The following PTPRD variants were observed in gnomAD, a reference collection of about 807,000 sequenced individuals.
PTPRD encodes protein tyrosine phosphatase receptor type D.
A neutral mutation model predicts 214.5 loss-of-function variants in PTPRD; 34 were observed. The ratio of observed to expected loss-of-function variants is 0.16; its 90% CI spans 0.12 to 0.21. PTPRD has a LOEUF of 0.21. PTPRD is among the 10% of genes least tolerant of loss of function. PTPRD has a pLI of 1.00. For missense variants in PTPRD, 2,545 were observed against 2,398.7 expected (o/e 1.06, Z -1.27); for synonymous variants, 1,128 against 845.7 (o/e 1.33, Z -5.79).
intron 10 of PTPRD, among the ~76,000 whole-genome samples, chr9:9,136,191 A>C (rs1347935525): frequency 6.6e-6 from 1 of 152,146 alleles, no homozygotes; most frequent in African/African-American, 2.4e-5. Context: ...TTATGTTCAC[A>C]TTAAGGAGAA....
At chr9:8,659,125 G>T (rs761030238) in intron 12 of PTPRD, among the ~76,000 whole-genome samples, 2 of 152,102 alleles carry the variant, frequency 1.3e-5, no homozygotes, top group Non-Finnish European at 2.9e-5. Flanking sequence ...TTCCTTTGAA[G>T]CAGAACATTT....
chr9:8,919,917 G>A (rs935221485), intron 11 of PTPRD, among the ~76,000 whole-genome samples: 1 of 122,884 alleles, frequency 8.1e-6, no homozygotes, highest in Non-Finnish European at 1.9e-5. Context: ...TGCATAAGTG[G>A]ATGCATGTGC....
intron 30 of PTPRD, among the ~76,000 whole-genome samples, chr9:8,482,250 A>G (rs2096902793): frequency 6.6e-6 from 1 of 150,698 alleles, no homozygotes; most frequent in South Asian, 2.1e-4. Flanking sequence ...GCCATATTTT[A>G]CTCTCTTGAT....
chr9:9,837,057 G>A (rs1015044213), intron 5 of PTPRD, among the ~76,000 whole-genome samples: 2 of 147,176 alleles, frequency 1.4e-5, no homozygotes, highest in South Asian at 2.1e-4. Context: ...GAGGTCTATA[G>A]TAGCTCTACA....
chr9:10,244,719 C>T (rs76897940), intron 3 of PTPRD, among the ~76,000 whole-genome samples: 4,497 of 152,114 alleles, frequency 0.03, 213 homozygotes, highest in African/African-American at 0.1. Flanking sequence ...GCTAAAGGAA[C>T]TGAAGTTCAA....
At chr9:10,148,183 G>A (rs906125657) in intron 3 of PTPRD, among the ~76,000 whole-genome samples, 4 of 152,190 alleles carry the variant, frequency 2.6e-5, no homozygotes, top group Admixed American at 6.6e-5. Context: ...AGTTGCTGGT[G>A]TTCTTGCTTC....
intron 3 of PTPRD, among the ~76,000 whole-genome samples, chr9:10,046,272 C>T (rs1044593436): frequency 6.6e-6 from 1 of 151,784 alleles, no homozygotes; most frequent in African/African-American, 2.4e-5. Flanking sequence ...GTTATCCATA[C>T]AATTTTTAAG....
At chr9:9,146,194 AT>A (rs1347203243) in intron 10 of PTPRD, among the ~76,000 whole-genome samples, 2 of 152,160 alleles carry the variant, frequency 1.3e-5, no homozygotes, top group Non-Finnish European at 2.9e-5. Flanking sequence ...TATGATTTAG[AT>A]TGTTTATTCG....
intron 10 of PTPRD, among the ~76,000 whole-genome samples, chr9:9,102,633 G>A (rs377108334): frequency 5.9e-5 from 9 of 152,168 alleles, no homozygotes; most frequent in African/African-American, 2.2e-4. Context: ...AGATAATTTA[G>A]CCCATGTGGA....
intron 14 of PTPRD, among the ~76,000 whole-genome samples, chr9:8,587,212 C>T (rs549492089): frequency 1.3e-5 from 2 of 152,290 alleles, no homozygotes; most frequent in South Asian, 2.1e-4. Flanking sequence ...ACCAGGGTTA[C>T]ACTTTTTATT....
At chr9:9,354,156 C>A (rs2052666928) in intron 9 of PTPRD, among the ~76,000 whole-genome samples, 1 of 151,776 alleles carries the variant, frequency 6.6e-6, no homozygotes, top group African/African-American at 2.4e-5. Flanking sequence ...TATTTATAGG[C>A]CAGTTTTACC....
At chr9:9,584,248 TC>T (rs2091467650) in intron 7 of PTPRD, among the ~76,000 whole-genome samples, 1 of 151,200 alleles carries the variant, frequency 6.6e-6, no homozygotes, top group Non-Finnish European at 1.5e-5. Context: ...CCCCTTAATC[TC>T]CCCTCACTCA....
chr9:9,312,637 G>A (rs1959552806), intron 9 of PTPRD, among the ~76,000 whole-genome samples: 1 of 152,082 alleles, frequency 6.6e-6, no homozygotes, highest in Non-Finnish European at 1.5e-5. Context: ...ACCCTGTGAT[G>A]GGATGTCATT....
rs577206434 is a variant in PTPRD at position 10,367,399 on chromosome 9, C to T, written c.-599-26382G>A. Among the ~76,000 whole-genome samples the T allele has an allele frequency of 6.5e-4, 99 of 152,122 alleles. 1 individual carries two copies. The highest frequency in any genetic ancestry group is 1.2e-3 in the Non-Finnish European group (85 of 68,012). ...ATAAAAGGAAGAGTTCTGCCCACTTCCTTGCCTACCTCTTTACCTACTGTG... is the reference window on the plus strand; with the variant it reads ...ATAAAAGGAAGAGTTCTGCCCACTTTCTTGCCTACCTCTTTACCTACTGTG... On this transcript the variant is annotated intron_variant, in intron 2 of 45. Coordinates refer to ENST00000381196, the MANE Select transcript of PTPRD (RefSeq NM_002839.4).
At chr9:10,228,697 G>A (rs1355298081) in intron 3 of PTPRD, among the ~76,000 whole-genome samples, 1 of 149,480 alleles carries the variant, frequency 6.7e-6, no homozygotes, top group Non-Finnish European at 1.5e-5. Flanking sequence ...AGTAAATAAA[G>A]CTATTGATAG....
intron 2 of PTPRD, among the ~76,000 whole-genome samples, chr9:10,487,869 A>C (rs1589277352): frequency 1.3e-5 from 2 of 151,742 alleles, no homozygotes; most frequent in Admixed American, 6.6e-5. Context: ...TTGTAGAGGT[A>C]CTACCTCTAT....
At chr9:8,945,784 C>G (rs2099060531) in intron 11 of PTPRD, among the ~76,000 whole-genome samples, 1 of 152,128 alleles carries the variant, frequency 6.6e-6, no homozygotes, top group African/African-American at 2.4e-5. Context: ...TCCCATCTAG[C>G]TAAGATGCAT....
intron 7 of PTPRD, among the ~76,000 whole-genome samples, chr9:9,725,329 C>G (rs1042066024): frequency 7.0e-6 from 1 of 143,382 alleles, no homozygotes; most frequent in African/African-American, 2.6e-5. Flanking sequence ...TTTTTTTTTG[C>G]CTGCTGCCAT....
intron 35 of PTPRD, among the ~76,000 whole-genome samples, chr9:8,433,950 G>C (rs904302005): frequency 6.6e-6 from 1 of 152,018 alleles, no homozygotes; most frequent in East Asian, 1.9e-4. Context: ...CTCCATTCAT[G>C]CTAAGTGTCC....
Sources: gnomAD v4.1 joint callset for allele counts (sites outside exome capture counted in the v4.1 genomes callset) on GRCh38, gnomAD v4.1.1 for gene constraint, MANE v1.5 for transcripts, NCBI Gene and HGNC (gene_info 2026-07-23, HGNC 2026-07-21) for gene names.